ZFPM2: variants seen among roughly 807,000 people sequenced by gnomAD.
ZFPM2 encodes the protein zinc finger protein, FOG family member 2.
Under a neutral mutation model 98.6 loss-of-function variants are expected in ZFPM2, and 20 were observed. The ratio of observed to expected loss-of-function variants is 0.20; its 90% CI spans 0.14 to 0.29. The LOEUF is 0.29. Ranked by LOEUF, ZFPM2 falls within the 10% of genes least tolerant of loss-of-function variation. The probability of loss-of-function intolerance (pLI) is 1.00; values close to 1 mark genes in which losing one functional copy is unlikely to be tolerated. For synonymous variants in ZFPM2, 518 were observed against 502.7 expected (o/e 1.03, Z -0.41); for missense variants, 1,310 against 1,388.6 (o/e 0.94, Z 0.90).
At chr8:105,686,027 A>G (rs556761431) in intron 5 of ZFPM2, among the ~76,000 whole-genome samples, 6 of 152,196 alleles carry the variant, frequency 3.9e-5, no homozygotes, top group Admixed American at 2.0e-4. Flanking sequence ...CTGAAACCCA[A>G]CTGAGAGAAA....
chr8:105,599,926 G>T (rs746665914), intron 4 of ZFPM2, among the ~76,000 whole-genome samples: 1 of 152,078 alleles, frequency 6.6e-6, no homozygotes, highest in Non-Finnish European at 1.5e-5. Context: ...TATCACCCCT[G>T]CTCTGATCCA....
At chr8:105,473,866 G>T (rs535384881) in intron 3 of ZFPM2, among the ~76,000 whole-genome samples, 27 of 152,190 alleles carry the variant, frequency 1.8e-4, no homozygotes, top group South Asian at 1.2e-3. Flanking sequence ...ATAATATATA[G>T]CACACATACA....
intron 4 of ZFPM2, among the ~76,000 whole-genome samples, chr8:105,633,754 A>T (rs1398113409): frequency 1.3e-5 from 2 of 152,132 alleles, no homozygotes; most frequent in Non-Finnish European, 2.9e-5. Context: ...GGTTGGGTAG[A>T]TTTCATTATT....
chr8:105,639,639 G>A (rs1051581542), intron 5 of ZFPM2, among the ~76,000 whole-genome samples: 5 of 152,068 alleles, frequency 3.3e-5, no homozygotes, highest in African/African-American at 1.2e-4. Context: ...TTTTTGTGAA[G>A]CACCCATTTA....
intron 4 of ZFPM2, among the ~76,000 whole-genome samples, chr8:105,591,931 A>C (rs1021958984): frequency 1.3e-5 from 2 of 152,206 alleles, no homozygotes; most frequent in African/African-American, 4.8e-5. Flanking sequence ...GATAAAGCAG[A>C]GTTGTTTTGT....
At chr8:105,468,601 C>T (rs1215433599) in intron 3 of ZFPM2, among the ~76,000 whole-genome samples, 1 of 152,242 alleles carries the variant, frequency 6.6e-6, no homozygotes, top group South Asian at 2.1e-4. Flanking sequence ...TCTGTGTGAT[C>T]TGGCTTATCG....
intron 2 of ZFPM2, among the ~76,000 whole-genome samples, chr8:105,429,399 G>A (rs912619422): frequency 6.6e-6 from 1 of 150,544 alleles, no homozygotes; most frequent in East Asian, 1.9e-4. Context: ...ACCTAAGAAG[G>A]AGTGACCTAA....
chr8:105,768,505 A>G (rs2131085854), intron 5 of ZFPM2, among the ~76,000 whole-genome samples: 1 of 152,052 alleles, frequency 6.6e-6, no homozygotes, highest in African/African-American at 2.4e-5. Context: ...CTCTCTCCCA[A>G]ATGGATAAAG....
chr8:105,437,125 T>G (rs902565700), intron 2 of ZFPM2, among the ~76,000 whole-genome samples: 9 of 152,260 alleles, frequency 5.9e-5, no homozygotes, highest in Non-Finnish European at 1.0e-4. Context: ...CTCTCCAAAT[T>G]TTTTTATTAA....
chr8:105,473,834 AGGT>A, intron 3 of ZFPM2, among the ~76,000 whole-genome samples: 1 of 152,240 alleles, frequency 6.6e-6, no homozygotes. Context: ...ATATAAATAT[AGGT>A]ATATACACAA....
At chr8:105,427,833 G>T (rs1317273975) in intron 2 of ZFPM2, among the ~76,000 whole-genome samples, 1 of 152,214 alleles carries the variant, frequency 6.6e-6, no homozygotes, top group Non-Finnish European at 1.5e-5. Context: ...CATTCAGTGA[G>T]ATTCCAGAGA....
intron 3 of ZFPM2, among the ~76,000 whole-genome samples, chr8:105,496,112 G>A (rs1279388955): frequency 6.6e-6 from 1 of 152,060 alleles, no homozygotes; most frequent in Non-Finnish European, 1.5e-5. Context: ...CCTATTCTAA[G>A]ATCTTCACAG....
chr8:105,693,063 C>T (rs184947536), intron 5 of ZFPM2, among the ~76,000 whole-genome samples: 65 of 152,284 alleles, frequency 4.3e-4, no homozygotes, highest in African/African-American at 1.4e-3. Flanking sequence ...GCCTAAGCTA[C>T]GGTCGCATGG....
chr8:105,487,131 G>GAGAT (rs1813244872), intron 3 of ZFPM2, among the ~76,000 whole-genome samples: 1 of 151,836 alleles, frequency 6.6e-6, no homozygotes. Flanking sequence ...TTTTATTTTT[G>GAGAT]AGATAGAGTC....
chr8:105,389,945 T>G (rs1811076215), intron 1 of ZFPM2, among the ~76,000 whole-genome samples: 1 of 152,192 alleles, frequency 6.6e-6, no homozygotes, highest in Admixed American at 6.5e-5. Context: ...AAACTCAAAA[T>G]GCCCATTTAC....
intron 3 of ZFPM2, among the ~76,000 whole-genome samples, chr8:105,496,655 CT>C (rs910214349): frequency 7.0e-6 from 1 of 141,962 alleles, no homozygotes; most frequent in Non-Finnish European, 1.5e-5. Context: ...TGAAGTGACT[CT>C]TTTTTTTGTT....
At chr8:105,323,533 CAGAT>C (rs1329438473) in intron 1 of ZFPM2, among the ~76,000 whole-genome samples, 1 of 151,736 alleles carries the variant, frequency 6.6e-6, no homozygotes, top group Non-Finnish European at 1.5e-5. Flanking sequence ...AGCAATAAAA[CAGAT>C]AGAATAGTAC....
At chr8:105,442,023 T>A (rs575754392) in intron 2 of ZFPM2, among the ~76,000 whole-genome samples, 1 of 152,078 alleles carries the variant, frequency 6.6e-6, no homozygotes, top group Admixed American at 6.6e-5. Context: ...GTTTTAAAAA[T>A]GTTTTAAAAA....
Position 105,666,707 on chromosome 8 carries a change from G to A in ZFPM2, c.532+32350G>A, listed in dbSNP as rs561231686. Among the ~76,000 whole-genome samples, 10 of 152,228 alleles carry A rather than the reference G, an allele frequency of 6.6e-5. No individual in the cohort carries two copies. In the East Asian group the frequency reaches 1.5e-3, roughly 24 times the overall value. ...CATTGTATTGGCATTTGCACTGATG[G>A]TGCAAGAGCAATGATGGGTGAAACT... On this transcript the variant is annotated intron_variant, in intron 5 of 7. Coordinates refer to ENST00000407775, the MANE Select transcript of ZFPM2 (RefSeq NM_012082.4).
Sources: allele counts gnomAD v4.1 joint callset (sites outside exome capture counted in the v4.1 genomes callset), GRCh38; gene constraint gnomAD v4.1.1; transcripts MANE v1.5; gene names NCBI Gene and HGNC (gene_info 2026-07-23, HGNC 2026-07-21).